Variants in ZNF540 observed in about 807,000 individuals in gnomAD.
ZNF540 encodes the protein zinc finger protein 540, also known as CTD-3064H18.6.
ZNF540 carries 3 observed loss-of-function variants against 11.8 expected under a neutral mutation model. The observed-to-expected ratio is 0.25, with a 90% CI of 0.12 to 0.65. The LOEUF is 0.65. Among genes scored for constraint, ZNF540 ranks in the 30% least tolerant of loss-of-function variants. The probability of loss-of-function intolerance (pLI) is 0.83; values close to 1 mark genes in which losing one functional copy is unlikely to be tolerated. For missense variants in ZNF540, 709 were observed against 793.1 expected, an observed-to-expected ratio of 0.89 and a Z score of 1.27; for synonymous variants, 247 against 259.0, an observed-to-expected ratio of 0.95 and a Z score of 0.45.
chr19:37,564,337 C>T (rs1417185652), intron 1 of ZNF540: 1 of 313,338 alleles, frequency 3.2e-6, no homozygotes, highest in African/African-American at 2.1e-5. Context: ...GAAAAGAACA[C>T]ACAAGAAATA....
At chr19:37,606,677 T>C (rs188663162) in intron 4 of ZNF540, among the ~76,000 whole-genome samples, 1 of 152,340 alleles carries the variant, frequency 6.6e-6, no homozygotes, top group East Asian at 1.9e-4. Flanking sequence ...TATTAGCTAT[T>C]GGTACATCTT....
chr19:37,606,554 G>T (rs543068301), intron 4 of ZNF540, among the ~76,000 whole-genome samples: 11 of 152,228 alleles, frequency 7.2e-5, no homozygotes, highest in African/African-American at 2.6e-4. Context: ...ATGCATGAGG[G>T]TTTCTGTTTC....
intron 1 of ZNF540, among the ~76,000 whole-genome samples, chr19:37,579,438 A>C (rs1182607779): frequency 6.6e-6 from 1 of 152,244 alleles, no homozygotes; most frequent in African/African-American, 2.4e-5. Flanking sequence ...CCCCTTCTAC[A>C]GGAAGCAGCA....
In ZNF540 at chr19:37,612,358, T is replaced by C. The variant is rs1341248127; in HGVS notation, c.1078T>C (p.Cys360Arg). 6.2e-7 allele frequency: 1 copy of C among 1,613,956 alleles called. No homozygotes were observed. Among genetic ancestry groups the C allele is most frequent in the East Asian group, 2.2e-5 (1 of 44,886 alleles). ...TGTAAAACCCTACGAATGTAAGGAA[T>C]GTGGAAAGACCTTTAGACTTAGTTT... Reference protein sequence around the residue: ...TGVKPYECKECGKTFRLSFYL... With the variant: ...TGVKPYECKERGKTFRLSFYL... Residue 360 changes from cysteine (C) to arginine (R), a missense_variant, in exon 5 of 5, where the codon TGT (cysteine) becomes CGT (arginine). Cys to Arg is a radical substitution (Grantham distance 180, BLOSUM62 -3). Transcript: ENST00000316433.
At position 37,611,524 on chromosome 19, in the gene ZNF540, A is replaced by G. The variant is rs199992812; in HGVS notation, c.244A>G (p.Arg82Gly). 6 of 1,575,082 alleles carry G rather than the reference A, an allele frequency of 3.8e-6. No homozygotes were observed. Among genetic ancestry groups the G allele is most frequent in the Middle Eastern group, 2.1e-4 (1 of 4,838 alleles). Residue 82 changes from arginine (R) to glycine (G), a missense_variant, in exon 5 of 5, where the codon AGG becomes GGG. Arg to Gly is a moderately radical substitution (Grantham distance 125). Coordinates refer to ENST00000316433, the MANE Select transcript of ZNF540 (RefSeq NM_001172225.3). ...ATGTTTTCTTTCAGGTTTGTTATCC[A>G]GGCATAAGACCAAGAAATTATCTTC... ...TGRQCPGLLS[R>G]HKTKKLSSEK...
At chr19:37,561,606 A>G (rs2042718202) in intron 1 of ZNF540, among the ~76,000 whole-genome samples, 1 of 152,226 alleles carries the variant, frequency 6.6e-6, no homozygotes. Context: ...TCACAATGCC[A>G]GTAAGGAAAT....
chr19:37,555,890 A>G, intron 1 of ZNF540: 1 of 700,854 alleles, frequency 1.4e-6, no homozygotes. Flanking sequence ...AGCACGAGTT[A>G]TGGAATGAAG....
intron 1 of ZNF540, among the ~76,000 whole-genome samples, chr19:37,571,455 C>T (rs2043048623): frequency 6.6e-6 from 1 of 152,134 alleles, no homozygotes; most frequent in African/African-American, 2.4e-5. Flanking sequence ...GAGATCACAC[C>T]ACTGCACTCC....
chr19:37,561,972 C>CT (rs1187706552), intron 1 of ZNF540, among the ~76,000 whole-genome samples: 1 of 151,954 alleles, frequency 6.6e-6, no homozygotes, highest in African/African-American at 2.4e-5. Flanking sequence ...TCAGTTACCA[C>CT]TTTTTTTTGG....
intron 1 of ZNF540, chr19:37,565,764 GT>G: frequency 6.2e-7 from 1 of 1,613,552 alleles, no homozygotes; most frequent in Non-Finnish European, 8.5e-7. Context: ...CACTGATAAG[GT>G]TTTTCATTAG....
chr19:37,586,553 T>C, intron 1 of ZNF540: 4 of 1,199,524 alleles, frequency 3.3e-6, no homozygotes, highest in Non-Finnish European at 4.9e-6. Context: ...TGGGAGACGT[T>C]TGGAAGCAGT....
chr19:37,591,241 G>A (rs1600543206), upstream of ZNF540, among the ~76,000 whole-genome samples: 1 of 152,324 alleles, frequency 6.6e-6, no homozygotes, highest in East Asian at 1.9e-4. Flanking sequence ...TCATTTCAGG[G>A]CTGGCACAGG....
intron 1 of ZNF540, chr19:37,565,540 G>A: frequency 6.2e-7 from 1 of 1,600,946 alleles, no homozygotes; most frequent in South Asian, 1.1e-5. Flanking sequence ...TTCTCTGATG[G>A]TAAGTAAGTT....
chr19:37,611,477 A>C, intron 4 of ZNF540, 36 bp from the exon 5 acceptor site: 1 of 1,514,336 alleles, frequency 6.6e-7, no homozygotes, highest in South Asian at 1.3e-5. Context: ...TGGCTACAGG[A>C]AAATAATTTT....
chr19:37,575,993 C>T (rs1487878041), intron 1 of ZNF540, among the ~76,000 whole-genome samples: 2 of 151,900 alleles, frequency 1.3e-5, no homozygotes, highest in Non-Finnish European at 2.9e-5. Context: ...TGCCAAACTT[C>T]AAAACAGGAA....
At chr19:37,584,576 C>CA (rs1295833685) in intron 1 of ZNF540, among the ~76,000 whole-genome samples, 11 of 152,082 alleles carry the variant, frequency 7.2e-5, no homozygotes, top group African/African-American at 2.7e-4. Flanking sequence ...TTTGAAGACT[C>CA]AGATTCATCA....
At chr19:37,556,734 A>G (rs2042663912) in intron 1 of ZNF540, among the ~76,000 whole-genome samples, 1 of 152,200 alleles carries the variant, frequency 6.6e-6, no homozygotes, top group African/African-American at 2.4e-5. Flanking sequence ...CTTAGGCAAG[A>G]TAGGCGGCGC....
chr19:37,582,419 A>G (rs898672787), intron 1 of ZNF540, among the ~76,000 whole-genome samples: 6 of 152,186 alleles, frequency 3.9e-5, no homozygotes, highest in Non-Finnish European at 7.3e-5. Flanking sequence ...TACTCAGGTT[A>G]GTCCTCAATT....
chr19:37,556,144 C>T (rs1032154234), intron 1 of ZNF540: 2 of 702,506 alleles, frequency 2.8e-6, no homozygotes, highest in Non-Finnish European at 2.6e-6. Context: ...TGTTGCTCTT[C>T]GCGGGTACGG....
Sources: gnomAD v4.1 joint callset for allele counts (sites outside exome capture counted in the v4.1 genomes callset) on GRCh38, gnomAD v4.1.1 for gene constraint, MANE v1.5 for transcripts, NCBI Gene and HGNC (gene_info 2026-07-23, HGNC 2026-07-21) for gene names.